TUSC3: variants seen among roughly 807,000 people sequenced by gnomAD.
TUSC3 encodes the protein dolichyl-diphosphooligosaccharide--protein glycosyltransferase subunit TUSC3.
In TUSC3, 45 loss-of-function variants were observed where a neutral mutation model predicts 44.8. The ratio of observed to expected loss-of-function variants is 1.00; its 90% CI spans 0.79 to 1.29. TUSC3 has a LOEUF of 1.29. TUSC3 is among the 50% of genes most tolerant of loss of function. The pLI is 0.00. For synonymous variants in TUSC3, 212 were observed against 152.9 expected (o/e 1.39, Z -2.85); for missense variants, 519 against 437.9 (o/e 1.19, Z -1.65).
At chr8:15,463,305 G>A (rs1041725822) in intron 1 of TUSC3, among the ~76,000 whole-genome samples, 2 of 152,124 alleles carry the variant, frequency 1.3e-5, no homozygotes, top group African/African-American at 4.8e-5. Context: ...GGCTAAATTA[G>A]AGGAGTCCGT....
chr8:15,777,937 G>A, the TUSC3 span, among the ~76,000 whole-genome samples: 1 of 151,958 alleles, frequency 6.6e-6, no homozygotes, highest in South Asian at 2.1e-4. Flanking sequence ...GATTTGAAAT[G>A]AGCAAAAAGT....
chr8:15,512,854 G>A (rs1475742062), intron 2 of TUSC3, among the ~76,000 whole-genome samples: 10 of 117,418 alleles, frequency 8.5e-5, no homozygotes, highest in South Asian at 3.2e-4. Context: ...TTGTGTGTGT[G>A]TGTATATATA....
chr8:15,831,184 C>T, the TUSC3 span, among the ~76,000 whole-genome samples: 1 of 152,304 alleles, frequency 6.6e-6, no homozygotes, highest in South Asian at 2.1e-4. Flanking sequence ...GAGTTGGGAG[C>T]TGAGCGTTGA....
intron 1 of TUSC3, among the ~76,000 whole-genome samples, chr8:15,567,922 G>T (rs144119499): frequency 4.4e-4 from 67 of 152,262 alleles, no homozygotes; most frequent in African/African-American, 1.5e-3. Flanking sequence ...ATTGAGTAAT[G>T]TGTGGTACTC....
At chr8:15,450,528 A>G (rs940026082) in intron 1 of TUSC3, among the ~76,000 whole-genome samples, 2 of 152,104 alleles carry the variant, frequency 1.3e-5, no homozygotes, top group African/African-American at 2.4e-5. Flanking sequence ...TAGTAAAAAT[A>G]CAAAAATTCA....
intron 1 of TUSC3, among the ~76,000 whole-genome samples, chr8:15,605,977 G>C (rs1804507574): frequency 6.6e-6 from 1 of 151,974 alleles, no homozygotes; most frequent in Admixed American, 6.6e-5. Context: ...TCTCCAGTGA[G>C]TTGCATATTG....
At chr8:15,846,624 A>C in the TUSC3 span, among the ~76,000 whole-genome samples, 1 of 152,058 alleles carries the variant, frequency 6.6e-6, no homozygotes, top group Non-Finnish European at 1.5e-5. Context: ...ACCAAACACC[A>C]CACGTTCTCA....
intron 2 of TUSC3, among the ~76,000 whole-genome samples, chr8:15,511,796 G>T (rs1156658850): frequency 1.3e-5 from 2 of 152,048 alleles, no homozygotes; most frequent in African/African-American, 4.8e-5. Context: ...GATTGAACCT[G>T]GGAGGCGAAC....
chr8:15,420,694 C>A (rs1183682540), intron 1 of TUSC3, among the ~76,000 whole-genome samples: 1 of 152,086 alleles, frequency 6.6e-6, no homozygotes, highest in East Asian at 1.9e-4. Flanking sequence ...TTTCCCACTC[C>A]TACAAAGTAC....
chr8:15,449,799 G>T (rs1221406576), intron 1 of TUSC3, among the ~76,000 whole-genome samples: 1 of 152,032 alleles, frequency 6.6e-6, no homozygotes, highest in African/African-American at 2.4e-5. Flanking sequence ...TTCCATTCAT[G>T]GTAAGTGCCC....
At chr8:15,444,319 A>G (rs2129118928) in intron 1 of TUSC3, among the ~76,000 whole-genome samples, 1 of 152,260 alleles carries the variant, frequency 6.6e-6, no homozygotes, top group Admixed American at 6.5e-5. Context: ...TGTAGGGACT[A>G]CTGCAATGAG....
chr8:15,828,620 G>A, the TUSC3 span, among the ~76,000 whole-genome samples: 119 of 152,318 alleles, frequency 7.8e-4, no homozygotes, highest in Non-Finnish European at 1.3e-4. Flanking sequence ...TTTGGATCAA[G>A]AAAGAATAAG....
chr8:15,656,675 G>T (rs1156325451), intron 3 of TUSC3, among the ~76,000 whole-genome samples: 1 of 152,208 alleles, frequency 6.6e-6, no homozygotes, highest in Non-Finnish European at 1.5e-5. Context: ...TCCCAGGCTG[G>T]TGTTGCATGC....
At chr8:15,633,801 T>C (rs1805934785) in intron 2 of TUSC3, among the ~76,000 whole-genome samples, 1 of 152,186 alleles carries the variant, frequency 6.6e-6, no homozygotes, top group African/African-American at 2.4e-5. Context: ...ATTTTAGACT[T>C]CTAGCCTCCA....
intron 6 of TUSC3, among the ~76,000 whole-genome samples, chr8:15,694,699 G>T (rs1037909601): frequency 1.3e-5 from 2 of 152,094 alleles, no homozygotes; most frequent in Non-Finnish European, 2.9e-5. Context: ...ATTTTGGGGG[G>T]CCATGGCTTA....
At chr8:15,685,568 G>T (rs1453598608) in intron 6 of TUSC3, among the ~76,000 whole-genome samples, 2 of 152,120 alleles carry the variant, frequency 1.3e-5, no homozygotes, top group Non-Finnish European at 2.9e-5. Context: ...AACAGGGCCT[G>T]TGTTTTGAAT....
At position 15,430,465 on chromosome 8, in the gene TUSC3, G is replaced by A. The variant is rs142930325; in HGVS notation, n.91+13160G>A. Among the ~76,000 whole-genome samples, 2,461 of 150,540 alleles carry A rather than the reference G, an allele frequency of 0.016. 159 individuals carry two copies. The East Asian group carries it at 0.22, about 14-fold the overall frequency. ...AAAAACTCTCAATAAATTAAGTATT[G>A]ATGGGATGTATCTCAAAATAATAAG... On this transcript the variant is annotated intron_variant and non_coding_transcript_variant, in intron 1 of 5. Transcript: ENST00000503191.
chr8:15,807,097 G>A, the TUSC3 span: 1 of 1,321,264 alleles, frequency 7.6e-7, no homozygotes. Context: ...TGAGAACCAG[G>A]ATGCCCGTTA....
chr8:15,420,714 G>A (rs1454662125), intron 1 of TUSC3, among the ~76,000 whole-genome samples: 3 of 152,034 alleles, frequency 2.0e-5, no homozygotes, highest in East Asian at 1.9e-4. Context: ...CCTCTCTGGA[G>A]GTTACCAGCA....
Sources: gnomAD v4.1 joint callset for allele counts (sites outside exome capture counted in the v4.1 genomes callset) on GRCh38, gnomAD v4.1.1 for gene constraint, MANE v1.5 for transcripts, NCBI Gene and HGNC (gene_info 2026-07-23, HGNC 2026-07-21) for gene names.